ABCC1: variants seen among roughly 807,000 people sequenced by gnomAD.
ABCC1 encodes multidrug resistance-associated protein 1.
Under a neutral mutation model 172.9 loss-of-function variants are expected in ABCC1, and 83 were observed. The ratio of observed to expected loss-of-function variants is 0.48; its 90% CI spans 0.40 to 0.58. The LOEUF (loss-of-function observed/expected upper bound fraction) is 0.58. Among genes scored for constraint, ABCC1 ranks in the 20% least tolerant of loss-of-function variants. The probability of loss-of-function intolerance (pLI) is 0.00; values close to 1 mark genes in which losing one functional copy is unlikely to be tolerated. For missense variants in ABCC1, 1,817 were observed against 2,002.7 expected (o/e 0.91, Z 1.77); for synonymous variants, 937 against 825.2 (o/e 1.14, Z -2.32).
chr16:15,997,293 A>G (rs570464235), intron 1 of ABCC1, among the ~76,000 whole-genome samples: 1 of 152,072 alleles, frequency 6.6e-6, no homozygotes. Flanking sequence ...GGGTTTCACC[A>G]TGTTAGCCAG....
chr16:15,999,836 C>CTCTTTCTTTCTT (rs375541317), intron 1 of ABCC1, among the ~76,000 whole-genome samples: 895 of 16,840 alleles, frequency 0.053, 142 homozygotes, highest in Non-Finnish European at 0.078. Context: ...CTCTCTCTGT[C>CTCTTTCTTTCTT]TCTTTCTTTC....
chr16:16,117,256 AC>A (rs760990537), intron 23 of ABCC1, among the ~76,000 whole-genome samples: 2 of 152,200 alleles, frequency 1.3e-5, no homozygotes, highest in East Asian at 3.8e-4. Context: ...GTCCTTCTTC[AC>A]ATGGCAGTAG....
chr16:15,968,202 T>G (rs1338275102), intron 1 of ABCC1, among the ~76,000 whole-genome samples: 1 of 151,998 alleles, frequency 6.6e-6, no homozygotes, highest in Non-Finnish European at 1.5e-5. Context: ...GCCCGGCTAA[T>G]TTTTGTATTT....
intron 9 of ABCC1, among the ~76,000 whole-genome samples, chr16:16,047,632 C>G (rs560215570): frequency 1.3e-5 from 2 of 152,198 alleles, no homozygotes; most frequent in African/African-American, 4.8e-5. Flanking sequence ...AAAACTCCTA[C>G]AGTGCGCAGG....
chr16:16,083,590 C>T (rs530829046), intron 17 of ABCC1, 48 bp downstream of exon 17: 62 of 1,583,610 alleles, frequency 3.9e-5, no homozygotes, highest in South Asian at 2.7e-4. Flanking sequence ...GCTGTTGCCG[C>T]GTAACAAATG....
intron 12 of ABCC1, among the ~76,000 whole-genome samples, chr16:16,058,113 A>G (rs1278691560): frequency 2.6e-5 from 4 of 152,116 alleles, no homozygotes; most frequent in East Asian, 3.9e-4. Flanking sequence ...TAATGGGTCT[A>G]TCCCTGCCTA....
intron 1 of ABCC1, among the ~76,000 whole-genome samples, chr16:15,994,804 C>T (rs1320559361): frequency 6.6e-6 from 1 of 150,960 alleles, no homozygotes; most frequent in African/African-American, 2.4e-5. Flanking sequence ...TGCTCTGTTG[C>T]CCAGGCTGGA....
chr16:16,104,620 C>T (rs1255629451), intron 20 of ABCC1, among the ~76,000 whole-genome samples: 2 of 152,210 alleles, frequency 1.3e-5, no homozygotes, highest in African/African-American at 4.8e-5. Flanking sequence ...GTGGATGCCA[C>T]ACTGGGGCTG....
At chr16:16,024,330 A>G (rs12918323) in intron 5 of ABCC1, among the ~76,000 whole-genome samples, 1 of 152,048 alleles carries the variant, frequency 6.6e-6, no homozygotes, top group Admixed American at 6.6e-5. Flanking sequence ...ATTATGTGTC[A>G]CAATAAGGAC....
intron 20 of ABCC1, among the ~76,000 whole-genome samples, chr16:16,105,804 A>G (rs1184036478): frequency 6.7e-6 from 1 of 148,936 alleles, no homozygotes; most frequent in African/African-American, 2.5e-5. Flanking sequence ...TGAACGGAAA[A>G]CTGTGGGCGA....
At chr16:16,023,159 C>T (rs1246900733) in intron 5 of ABCC1, among the ~76,000 whole-genome samples, 1 of 152,178 alleles carries the variant, frequency 6.6e-6, no homozygotes, top group Non-Finnish European at 1.5e-5. Flanking sequence ...AGCCATCCTC[C>T]CACCTCAGCC....
chr16:16,073,738 C>CA (rs2050443888), intron 14 of ABCC1, among the ~76,000 whole-genome samples: 1 of 152,138 alleles, frequency 6.6e-6, no homozygotes, highest in Non-Finnish European at 1.5e-5. Flanking sequence ...GCCTGGGTGT[C>CA]AGAGTGAGAC....
chr16:16,056,116 A>G lies in ABCC1; in HGVS notation c.1498A>G (p.Asn500Asp), dbSNP rs529251927. The G allele has an allele frequency of 6.2e-7, 1 of 1,614,064 alleles. No individual in the cohort carries two copies. The highest frequency in any genetic ancestry group is 1.1e-5 in the South Asian group (1 of 91,088). Residue 500 changes from asparagine to aspartate, a missense_variant, in exon 12 of 31, where the codon AAT becomes GAT. By Grantham distance (23) the Asn-to-Asp change is conservative. This residue lies in a region of ABCC1 where 1,412 missense variants were observed against 1,600.3 expected (regional missense o/e 0.88). Coordinates refer to ENST00000399410, the MANE Select transcript of ABCC1 (RefSeq NM_004996.4). Reference protein sequence around the residue: ...YQVAHMKSKDNRIKLMNEILN... With the variant: ...YQVAHMKSKDDRIKLMNEILN... ...GGTGGCCCACATGAAGAGCAAAGAC[A>G]ATCGGATCAAGCTGATGAACGAAAT...
At chr16:16,111,052 C>T (rs1247787890) in intron 21 of ABCC1, among the ~76,000 whole-genome samples, 1 of 152,132 alleles carries the variant, frequency 6.6e-6, no homozygotes, top group Non-Finnish European at 1.5e-5. Context: ...AGATGCCGAC[C>T]ACACACCCGG....
intron 20 of ABCC1, among the ~76,000 whole-genome samples, chr16:16,104,270 C>G (rs1054614193): frequency 6.6e-6 from 1 of 152,182 alleles, no homozygotes; most frequent in Non-Finnish European, 1.5e-5. Flanking sequence ...ATTCTCTTAT[C>G]TGGCCCTACC....
At chr16:15,999,886 C>G (rs559354788) in intron 1 of ABCC1, among the ~76,000 whole-genome samples, 1 of 131,806 alleles carries the variant, frequency 7.6e-6, no homozygotes, top group African/African-American at 2.7e-5. Flanking sequence ...GCCTGAGTCT[C>G]GCTTTGTCGC....
At chr16:16,110,910 C>CT (rs776987366) in intron 21 of ABCC1, among the ~76,000 whole-genome samples, 9 of 151,422 alleles carry the variant, frequency 5.9e-5, no homozygotes, top group Admixed American at 2.0e-4. Flanking sequence ...GAGTTTGTCT[C>CT]TTTTTTTTGA....
At chr16:16,114,696 C>T in intron 22 of ABCC1, 70 bp from the exon 23 acceptor site, 2 of 1,453,314 alleles carry the variant, frequency 1.4e-6, no homozygotes, top group Non-Finnish European at 1.8e-6. Flanking sequence ...GTCCACATGG[C>T]CACTCCTCCC....
At chr16:16,098,447 C>T (rs573602704) in intron 19 of ABCC1, among the ~76,000 whole-genome samples, 7 of 152,284 alleles carry the variant, frequency 4.6e-5, no homozygotes, top group Non-Finnish European at 8.8e-5. Flanking sequence ...GGCAAAACCC[C>T]GTCTCTACTA....
Sources: gnomAD v4.1 joint callset for allele counts (sites outside exome capture counted in the v4.1 genomes callset) on GRCh38, gnomAD v4.1.1 for gene constraint, gnomAD v4.1.1 regional missense constraint, MANE v1.5 for transcripts, NCBI Gene and HGNC (gene_info 2026-07-23, HGNC 2026-07-21) for gene names.